Variants in ZHX2 observed in about 807,000 individuals in gnomAD.
The protein encoded by ZHX2 is zinc fingers and homeoboxes 2.
In ZHX2, 6 loss-of-function variants were observed where a neutral mutation model predicts 21.9. The observed-to-expected ratio is 0.27, with a 90% CI of 0.15 to 0.54. The LOEUF (loss-of-function observed/expected upper bound fraction) is 0.54. Ranked by LOEUF, ZHX2 falls within the 20% of genes least tolerant of loss-of-function variation. The pLI is 0.95. For synonymous variants in ZHX2, 434 were observed against 437.1 expected (o/e 0.99, Z 0.09); for missense variants, 908 against 1,090.7 (o/e 0.83, Z 2.36).
intron 1 of ZHX2, among the ~76,000 whole-genome samples, chr8:122,792,211 T>C (rs1299649443): frequency 6.6e-6 from 1 of 152,212 alleles, no homozygotes; most frequent in Non-Finnish European, 1.5e-5. Context: ...GTTTGCCTTT[T>C]CTGCACATTT....
At chr8:122,826,549 C>G (rs563087029) in intron 1 of ZHX2, among the ~76,000 whole-genome samples, 25 of 152,164 alleles carry the variant, frequency 1.6e-4, no homozygotes, top group Non-Finnish European at 3.1e-4. Context: ...TCTGGGTCAG[C>G]CCTTTGAGGT....
intron 1 of ZHX2, among the ~76,000 whole-genome samples, chr8:122,816,782 G>A (rs997978520): frequency 1.3e-5 from 2 of 152,156 alleles, no homozygotes; most frequent in Non-Finnish European, 2.9e-5. Flanking sequence ...AGGGAGGCTA[G>A]GAAACTTATC....
At chr8:122,896,843 G>T (rs1267586040) in intron 2 of ZHX2, among the ~76,000 whole-genome samples, 1 of 152,162 alleles carries the variant, frequency 6.6e-6, no homozygotes, top group East Asian at 1.9e-4. Context: ...GCTTAAACTT[G>T]GATATATGTC....
intron 2 of ZHX2, among the ~76,000 whole-genome samples, chr8:122,909,715 G>A (rs1268310877): frequency 2.0e-5 from 3 of 152,060 alleles, no homozygotes; most frequent in Non-Finnish European, 2.9e-5. Context: ...CCTCCGGAGT[G>A]ATCCTGATCT....
intron 2 of ZHX2, among the ~76,000 whole-genome samples, chr8:122,868,770 G>C (rs1377385421): frequency 6.6e-6 from 1 of 151,844 alleles, no homozygotes; most frequent in African/African-American, 2.4e-5. Context: ...TGAGGCAGGA[G>C]GATTGCATGA....
rs117404973 is a variant in ZHX2 at position 122,796,891 on chromosome 8, C to T, written c.-283+14945C>T. Among the ~76,000 whole-genome samples the T allele has an allele frequency of 3.0e-4, 45 of 152,280 alleles. No individual in the cohort carries two copies. In the East Asian group the frequency reaches 8.7e-3, roughly 29 times the overall value. Reference sequence around the variant, plus strand: ...ATCTGTTCCCAGATTCCTCGGGTGCCTGCTGGTGCCTCCTTTGGTCTCCTA... The same window carrying T: ...ATCTGTTCCCAGATTCCTCGGGTGCTTGCTGGTGCCTCCTTTGGTCTCCTA... On this transcript the variant is annotated intron_variant, in intron 1 of 3. Coordinates refer to ENST00000314393, the MANE Select transcript of ZHX2 (RefSeq NM_014943.5).
At chr8:122,796,267 C>T (rs1327587138) in intron 1 of ZHX2, among the ~76,000 whole-genome samples, 1 of 152,086 alleles carries the variant, frequency 6.6e-6, no homozygotes, top group South Asian at 2.1e-4. Context: ...TTATGAGAGA[C>T]CACACAACGG....
intron 1 of ZHX2, among the ~76,000 whole-genome samples, chr8:122,792,875 T>C (rs1413042719): frequency 1.3e-5 from 2 of 152,194 alleles, no homozygotes; most frequent in African/African-American, 4.8e-5. Flanking sequence ...TTTTGCTTCC[T>C]GGGTACCTGA....
intron 1 of ZHX2, among the ~76,000 whole-genome samples, chr8:122,821,497 T>C (rs1022313101): frequency 1.3e-5 from 2 of 151,772 alleles, no homozygotes; most frequent in Non-Finnish European, 2.9e-5. Context: ...TCTCATATCT[T>C]ACATCCTTTG....
intron 1 of ZHX2, among the ~76,000 whole-genome samples, chr8:122,806,166 G>A (rs748002897): frequency 2.6e-5 from 4 of 152,146 alleles, no homozygotes; most frequent in African/African-American, 2.4e-5. Context: ...AGTCACTTTC[G>A]ATGGCATTAA....
chr8:122,813,789 T>A (rs1290067762), intron 1 of ZHX2, among the ~76,000 whole-genome samples: 1 of 152,234 alleles, frequency 6.6e-6, no homozygotes, highest in Non-Finnish European at 1.5e-5. Context: ...AAGTTTTGGA[T>A]TTTAAAGCAT....
At chr8:122,797,121 C>T (rs566136889) in intron 1 of ZHX2, among the ~76,000 whole-genome samples, 1 of 152,312 alleles carries the variant, frequency 6.6e-6, no homozygotes, top group South Asian at 2.1e-4. Flanking sequence ...TTAGGCTAAG[C>T]TATGATACAG....
intron 2 of ZHX2, among the ~76,000 whole-genome samples, chr8:122,930,660 TA>T (rs1563589392): frequency 6.6e-5 from 10 of 151,812 alleles, no homozygotes; most frequent in African/African-American, 1.9e-4. Flanking sequence ...TTTTTTTTTT[TA>T]TTTTTTTCAG....
At chr8:122,940,574 G>T (rs1189128179) in intron 2 of ZHX2, among the ~76,000 whole-genome samples, 4 of 152,124 alleles carry the variant, frequency 2.6e-5, no homozygotes, top group Non-Finnish European at 5.9e-5. Flanking sequence ...ACTTCCATGG[G>T]CCACTCATGA....
In ZHX2 at chr8:122,952,564, T is replaced by C. The variant is rs777807675; in HGVS notation, c.1054T>C (p.Leu352=). The C allele has an allele frequency of 8.7e-6, 14 of 1,614,036 alleles. No individual in the cohort carries two copies. The East Asian group carries it at 2.7e-4, about 31-fold the overall frequency. The change falls in exon 3 of 4, where the codon TTG becomes CTG. Residue 352 remains leucine, a synonymous_variant. Transcript: ENST00000314393. This position sits in a 1 kb window ranked among gnomAD's most constrained non-coding sequence, Gnocchi z 6.9. ...PPTITVLPAQ[L]APTKVTQPIL... ...GACCATCACTGTGCTGCCCGCCCAG[T>C]TGGCCCCCACAAAGGTGACGCAGCC...
chr8:122,888,631 C>T (rs1054535241), intron 2 of ZHX2, among the ~76,000 whole-genome samples: 5 of 152,214 alleles, frequency 3.3e-5, no homozygotes, highest in Admixed American at 1.3e-4. Flanking sequence ...TACAGGTATA[C>T]GCTGCCACAT....
chr8:122,846,944 A>G (rs1818764091), intron 1 of ZHX2, among the ~76,000 whole-genome samples: 1 of 152,172 alleles, frequency 6.6e-6, no homozygotes, highest in African/African-American at 2.4e-5. Flanking sequence ...TGTGAACTAC[A>G]ATAATAGCAT....
chr8:122,957,222 A>G (rs75171278), intron 3 of ZHX2, among the ~76,000 whole-genome samples: 1,870 of 146,254 alleles, frequency 0.013, 14 homozygotes, highest in Non-Finnish European at 0.021. Context: ...TGCCATCTTT[A>G]CCTCATTATT....
intron 1 of ZHX2, among the ~76,000 whole-genome samples, chr8:122,811,271 C>T (rs1817922015): frequency 6.6e-6 from 1 of 152,038 alleles, no homozygotes; most frequent in South Asian, 2.1e-4. Flanking sequence ...GTCCCAGCTA[C>T]TAGGGAGGCT....
Sources: allele counts gnomAD v4.1 joint callset (sites outside exome capture counted in the v4.1 genomes callset), GRCh38; gene constraint gnomAD v4.1.1; non-coding constraint Gnocchi (gnomAD v3.1); transcripts MANE v1.5; gene names NCBI Gene and HGNC (gene_info 2026-07-23, HGNC 2026-07-21).